VMP1: variants seen among roughly 807,000 people sequenced by gnomAD.
VMP1 encodes vacuole membrane protein 1, also known as ectopic P-granules autophagy protein 3 homolog.
VMP1 carries 11 observed loss-of-function variants against 56.0 expected under a neutral mutation model. The ratio of observed to expected loss-of-function variants is 0.20; its 90% CI spans 0.12 to 0.32. The LOEUF is 0.32. Ranked by LOEUF, VMP1 falls within the 10% of genes least tolerant of loss-of-function variation. The probability of loss-of-function intolerance (pLI) is 1.00; values close to 1 mark genes in which losing one functional copy is unlikely to be tolerated. For synonymous variants in VMP1, 149 were observed against 165.0 expected (o/e 0.90, Z 0.74); for missense variants, 296 against 490.3 (o/e 0.60, Z 3.74).
chr17:59,718,941 C>G (rs1055476560), intron 1 of VMP1, among the ~76,000 whole-genome samples: 1 of 152,008 alleles, frequency 6.6e-6, no homozygotes, highest in African/African-American at 2.4e-5. Context: ...ACTGGAACAA[C>G]CACATGATAG....
intron 11 of VMP1, 172 bp from the exon 12 acceptor site, chr17:59,839,596 G>C (rs2039093313): frequency 2.8e-6 from 2 of 709,820 alleles, no homozygotes; most frequent in Middle Eastern, 4.2e-4. Context: ...TTGATAGTTG[G>C]GTGTAAAAAG....
At chr17:59,778,267 C>T (rs1267918764) in intron 7 of VMP1, among the ~76,000 whole-genome samples, 3 of 151,992 alleles carry the variant, frequency 2.0e-5, no homozygotes, top group Admixed American at 6.6e-5. Flanking sequence ...TAAGGCCGGG[C>T]GCAGTGGCTC....
intron 1 of VMP1, among the ~76,000 whole-genome samples, chr17:59,712,968 G>A (rs2033988431): frequency 6.6e-6 from 1 of 152,154 alleles, no homozygotes. Flanking sequence ...AAAGAAGATG[G>A]ACAGTTGTGT....
intron 6 of VMP1, among the ~76,000 whole-genome samples, chr17:59,773,503 A>G (rs1486204224): frequency 4.0e-5 from 6 of 151,734 alleles, no homozygotes; most frequent in Admixed American, 2.6e-4. Flanking sequence ...CTGAGTAGCT[A>G]TGGCTACAGG....
chr17:59,718,285 C>T (rs569609534), intron 1 of VMP1, among the ~76,000 whole-genome samples: 1 of 149,656 alleles, frequency 6.7e-6, no homozygotes, highest in South Asian at 2.1e-4. Context: ...CAACCTCTGC[C>T]TTCTGGGTTC....
At chr17:59,754,460 A>G (rs1214121161) in intron 5 of VMP1, among the ~76,000 whole-genome samples, 4 of 152,250 alleles carry the variant, frequency 2.6e-5, no homozygotes, top group Non-Finnish European at 5.9e-5. Flanking sequence ...AGTTAATACC[A>G]TAAAGTGGAA....
Position 59,738,921 on chromosome 17 carries a change from G to A in VMP1, c.388G>A (p.Gly130Arg). 1 of 1,610,506 alleles carries A rather than the reference G, an allele frequency of 6.2e-7. No homozygotes were observed. The highest frequency in any genetic ancestry group is 8.5e-7 in the Non-Finnish European group (1 of 1,178,898). Residue 130 changes from glycine to arginine, a missense_variant, in exon 5 of 12, where the codon GGG becomes AGG. Transcript: ENST00000262291. ...TTTGTCTTCTGTTGGGCTTGGAACA[G>A]GGCTGCACACCTTTCTGCTTTATCT... is the stretch of plus-strand genomic sequence containing the variant. ...GILSSVGLGT[G>R]LHTFLLYLGP... is the part of the protein sequence containing the mutation.
intron 7 of VMP1, among the ~76,000 whole-genome samples, chr17:59,783,462 G>A (rs2036896389): frequency 6.6e-6 from 1 of 152,178 alleles, no homozygotes; most frequent in African/African-American, 2.4e-5. Flanking sequence ...AGGTACACAT[G>A]AATGAATGTA....
intron 1 of VMP1, among the ~76,000 whole-genome samples, chr17:59,728,763 T>C (rs2143788886): frequency 6.6e-6 from 1 of 152,292 alleles, no homozygotes; most frequent in Admixed American, 6.5e-5. Context: ...CTATGAATAT[T>C]TGGAAGTTTG....
chr17:59,738,761 A>T, intron 4 of VMP1, 76 bp from the exon 5 acceptor site: 1 of 1,094,814 alleles, frequency 9.1e-7, no homozygotes, highest in Non-Finnish European at 1.4e-6. Flanking sequence ...TAGTTGATTT[A>T]ATTTTGATGA....
chr17:59,719,701 A>G (rs1598286043), intron 1 of VMP1, among the ~76,000 whole-genome samples: 2 of 152,102 alleles, frequency 1.3e-5, no homozygotes, highest in South Asian at 4.1e-4. Context: ...ATTTACTTGC[A>G]CATTGTTTCT....
chr17:59,737,065 T>A (rs1329205255), intron 3 of VMP1, among the ~76,000 whole-genome samples: 7 of 152,068 alleles, frequency 4.6e-5, no homozygotes, highest in African/African-American at 1.7e-4. Flanking sequence ...AAATAAAGAT[T>A]ATAAAAACAA....
chr17:59,724,965 C>CA (rs11320704), intron 1 of VMP1, among the ~76,000 whole-genome samples: 75 of 132,836 alleles, frequency 5.6e-4, no homozygotes, highest in Admixed American at 1.1e-3. Flanking sequence ...GACTCTGTCT[C>CA]AAAAAAAAAA....
At chr17:59,764,403 A>T (rs1015936133) in intron 5 of VMP1, among the ~76,000 whole-genome samples, 1 of 152,164 alleles carries the variant, frequency 6.6e-6, no homozygotes, top group Non-Finnish European at 1.5e-5. Context: ...ATCATAGCCC[A>T]CTACAGCCTC....
intron 5 of VMP1, among the ~76,000 whole-genome samples, chr17:59,762,112 A>G (rs904170542): frequency 6.6e-6 from 1 of 152,074 alleles, no homozygotes; most frequent in Non-Finnish European, 1.5e-5. Flanking sequence ...TGTCCCATAT[A>G]TTTTGTCCAG....
At chr17:59,805,181 A>C (rs1042900097) in intron 7 of VMP1, among the ~76,000 whole-genome samples, 2 of 152,206 alleles carry the variant, frequency 1.3e-5, no homozygotes, top group Non-Finnish European at 2.9e-5. Context: ...TTGTGCTCAA[A>C]AAAAAGATTG....
intron 10 of VMP1, among the ~76,000 whole-genome samples, chr17:59,824,678 G>T (rs1298368127): frequency 6.7e-6 from 1 of 148,332 alleles, no homozygotes; most frequent in Non-Finnish European, 1.5e-5. Flanking sequence ...TTCAAGACCA[G>T]CCTGGCCAAC....
intron 10 of VMP1, among the ~76,000 whole-genome samples, chr17:59,830,017 A>G (rs1342618240): frequency 6.6e-6 from 1 of 152,172 alleles, no homozygotes; most frequent in Non-Finnish European, 1.5e-5. Flanking sequence ...TCCTCATTCA[A>G]TCAAGAAAAT....
intron 1 of VMP1, among the ~76,000 whole-genome samples, chr17:59,713,622 T>C (rs1396415021): frequency 6.7e-6 from 1 of 148,766 alleles, no homozygotes; most frequent in African/African-American, 2.5e-5. Flanking sequence ...CTGAGGTGGG[T>C]GGATCGCTTG....
Sources: allele counts gnomAD v4.1 joint callset (sites outside exome capture counted in the v4.1 genomes callset), GRCh38; gene constraint gnomAD v4.1.1; transcripts MANE v1.5; gene names NCBI Gene and HGNC (gene_info 2026-07-23, HGNC 2026-07-21).